Variants in WDR59 observed in about 807,000 individuals in gnomAD.
WDR59 encodes GATOR2 complex protein WDR59.
WDR59 carries 100 observed loss-of-function variants against 131.2 expected under a neutral mutation model. The ratio of observed to expected loss-of-function variants is 0.76; its 90% confidence interval spans 0.65 to 0.90. The LOEUF is 0.90. Ranked by LOEUF, WDR59 falls within the 40% of genes least tolerant of loss-of-function variation. The probability of loss-of-function intolerance (pLI) is 0.00; values close to 1 mark genes in which losing one functional copy is unlikely to be tolerated. For missense variants in WDR59, 1,203 were observed against 1,262.2 expected (o/e 0.95, Z 0.71); for synonymous variants, 601 against 466.2 (o/e 1.29, Z -3.72).
At chr16:74,929,906 T>C (rs910344168) in intron 8 of WDR59, among the ~76,000 whole-genome samples, 2 of 152,232 alleles carry the variant, frequency 1.3e-5, no homozygotes, top group African/African-American at 2.4e-5. Flanking sequence ...GAGGACATTA[T>C]GTTCAGTGAA....
In WDR59 at chr16:74,945,769, C is replaced by T. The variant is rs117046467; in HGVS notation, c.445+2750G>A. Among the ~76,000 whole-genome samples the T allele has an allele frequency of 6.6e-5, 10 of 150,976 alleles. 1 individual carries two copies. The East Asian group carries it at 2.0e-3, about 29-fold the overall frequency. Reference sequence around the variant, plus strand: ...AGTGTGAGTCACTCCCGGTACAGTACAAGGAGACGTTCTGAGAGAGAGAGA... The same window carrying T: ...AGTGTGAGTCACTCCCGGTACAGTATAAGGAGACGTTCTGAGAGAGAGAGA... On this transcript the variant is annotated intron_variant, in intron 6 of 25. Coordinates refer to ENST00000262144, the MANE Select transcript of WDR59 (RefSeq NM_030581.4).
intron 18 of WDR59, among the ~76,000 whole-genome samples, chr16:74,901,296 T>C (rs1965538380): frequency 1.3e-5 from 2 of 151,624 alleles, no homozygotes; most frequent in South Asian, 4.2e-4. Flanking sequence ...TATACTTCCC[T>C]CATTGCTATG....
At chr16:74,981,249 G>A (rs1377919886) in intron 1 of WDR59, among the ~76,000 whole-genome samples, 11 of 151,442 alleles carry the variant, frequency 7.3e-5, no homozygotes, top group South Asian at 6.2e-4. Flanking sequence ...GGTGGTGGGC[G>A]CCTGTAGTCC....
rs1180219312 is a variant in WDR59 at position 74,903,949 on chromosome 16, G to A, written c.1864C>T (p.Arg622Trp). ...VSISSFYYKE[R>W]KSRRWKSKRE... ...AAGGCTACGGCTCTGGCACTTACCC[G>A]CTCCTTGTAGTAGAAGGAGCTGATG... The change falls in exon 18 of 26, where the codon CGG becomes TGG. Residue 622 changes from arginine to tryptophan, a missense_variant and splice_region_variant. Coordinates refer to ENST00000262144, the MANE Select transcript of WDR59 (RefSeq NM_030581.4). 4 of 1,606,356 alleles carry A rather than the reference G, an allele frequency of 2.5e-6. No individual in the cohort carries two copies. The highest frequency in any genetic ancestry group is 1.7e-5 in the Admixed American group (1 of 59,312).
chr16:74,884,306 T>C (rs1357123545), intron 25 of WDR59, among the ~76,000 whole-genome samples: 1 of 152,200 alleles, frequency 6.6e-6, no homozygotes, highest in Non-Finnish European at 1.5e-5. Context: ...ACTGCTTACT[T>C]CTTATGCCCT....
At chr16:74,903,894 A>G (rs888080980) in intron 18 of WDR59, 53 bp downstream of exon 18, 9 of 1,560,890 alleles carry the variant, frequency 5.8e-6, no homozygotes, top group Non-Finnish European at 7.8e-6. Context: ...GAGATGAGGA[A>G]CAAGAATCCA....
chr16:74,963,607 G>C (rs1253136887), intron 2 of WDR59, among the ~76,000 whole-genome samples: 1 of 152,028 alleles, frequency 6.6e-6, no homozygotes, highest in Non-Finnish European at 1.5e-5. Flanking sequence ...GGGGGAGGGA[G>C]AGCATCGGGA....
At chr16:74,912,076 T>C in intron 14 of WDR59, 122 bp downstream of exon 14, 2 of 1,313,456 alleles carry the variant, frequency 1.5e-6, no homozygotes, top group Admixed American at 3.7e-5. Context: ...TTGCTAATAC[T>C]AGTGTGTGTA....
At chr16:74,950,017 A>G (rs1346674571) in intron 4 of WDR59, 1 of 598,426 alleles carries the variant, frequency 1.7e-6, no homozygotes, top group African/African-American at 1.8e-5. Flanking sequence ...ATCTGCTCCC[A>G]GAAAAGAAAT....
intron 21 of WDR59, 100 bp from the exon 22 acceptor site, chr16:74,888,419 G>C: frequency 7.9e-7 from 1 of 1,263,328 alleles, no homozygotes. Context: ...GGTGGGAAGG[G>C]AGGAGTCTTG....
intron 25 of WDR59, among the ~76,000 whole-genome samples, chr16:74,881,087 C>T (rs1054051878): frequency 5.9e-5 from 9 of 152,154 alleles, no homozygotes; most frequent in African/African-American, 2.2e-4. Context: ...CATCATATAC[C>T]ACAGTCAGAA....
In WDR59 at chr16:74,882,067, T is replaced by A. The variant is rs370806848; in HGVS notation, c.2689+3586A>T. 2.8e-4 allele frequency among the ~76,000 whole-genome samples: 42 copies of A among 152,266 alleles called. 1 individual carries two copies. The East Asian group carries it at 6.2e-3, about 22-fold the overall frequency. The stretch of plus-strand genomic sequence containing the variant: ...GAGTTTATACTTCATTCTCTCTGAC[T>A]GCACTACAGACATCTTGACCCACCA... On this transcript the variant is annotated intron_variant, in intron 25 of 25. Transcript: ENST00000262144.
At chr16:74,973,930 G>C (rs1341077064) in intron 1 of WDR59, among the ~76,000 whole-genome samples, 3 of 152,082 alleles carry the variant, frequency 2.0e-5, no homozygotes, top group Non-Finnish European at 4.4e-5. Context: ...AGCACTTTGG[G>C]AGGCTGAAGC....
Position 74,956,684 on chromosome 16 carries a change from G to T in WDR59, c.105-74C>A, listed in dbSNP as rs1597794024. 8.4e-6 allele frequency: 13 copies of T among 1,546,036 alleles called. No homozygotes were observed. The East Asian group carries it at 3.0e-4, about 36-fold the overall frequency. On this transcript the variant is annotated intron_variant, in intron 2 of 25. Coordinates refer to ENST00000262144, the MANE Select transcript of WDR59 (RefSeq NM_030581.4). ...AGCATTAAGATAGAAAAGCACAATT[G>T]GAATTGCATACAATTTGCAAGCAGT...
chr16:74,898,536 A>G (rs1965397560), intron 18 of WDR59, among the ~76,000 whole-genome samples: 1 of 152,206 alleles, frequency 6.6e-6, no homozygotes, highest in African/African-American at 2.4e-5. Flanking sequence ...AAAGAGGACA[A>G]GGAAGAACGG....
chr16:74,981,064 C>A (rs1437502245), intron 1 of WDR59, among the ~76,000 whole-genome samples: 13 of 145,258 alleles, frequency 8.9e-5, no homozygotes, highest in African/African-American at 2.6e-4. Context: ...CCCATCTCTG[C>A]AAAAAAAAAC....
intron 3 of WDR59, among the ~76,000 whole-genome samples, chr16:74,954,740 C>T (rs866750261): frequency 3.9e-5 from 6 of 152,084 alleles, no homozygotes; most frequent in Non-Finnish European, 7.3e-5. Flanking sequence ...GATGGATGGA[C>T]GGATAGATAA....
chr16:74,961,083 T>A (rs557055883), intron 2 of WDR59, among the ~76,000 whole-genome samples: 58 of 151,462 alleles, frequency 3.8e-4, no homozygotes, highest in African/African-American at 1.4e-3. Flanking sequence ...GGCAGGAGGA[T>A]CAACTTGAGC....
At chr16:74,887,879 A>G in intron 22 of WDR59, 124 bp from the exon 23 acceptor site, 2 of 1,007,668 alleles carry the variant, frequency 2.0e-6, no homozygotes, top group Non-Finnish European at 3.0e-6. Flanking sequence ...GCAGTTTGGG[A>G]GGCCAAGGAA....
Sources: allele counts gnomAD v4.1 joint callset (sites outside exome capture counted in the v4.1 genomes callset), GRCh38; gene constraint gnomAD v4.1.1; transcripts MANE v1.5; gene names NCBI Gene and HGNC (gene_info 2026-07-23, HGNC 2026-07-21).